Variants in LHFPL6 observed in about 807,000 individuals in gnomAD.
The protein encoded by LHFPL6 is LHFPL tetraspan subfamily member 6.
LHFPL6 carries 9 observed loss-of-function variants against 20.6 expected under a neutral mutation model. That is an observed-to-expected ratio of 0.44 (90% CI 0.26 to 0.76). The LOEUF (loss-of-function observed/expected upper bound fraction) is 0.76, where lower values mean the gene tolerates loss of function less well. Among genes scored for constraint, LHFPL6 ranks in the 30% least tolerant of loss-of-function variants. The pLI, the probability that LHFPL6 is intolerant of heterozygous loss-of-function variation, is 0.20. For missense variants in LHFPL6, 218 were observed against 253.5 expected, an observed-to-expected ratio of 0.86 and a Z score of 0.95; for synonymous variants, 105 against 98.7, an observed-to-expected ratio of 1.06 and a Z score of -0.38.
Position 39,503,325 on chromosome 13 carries a change from C to T in LHFPL6, c.385+97507G>A, listed in dbSNP as rs116914414. On this transcript the variant is annotated intron_variant, in intron 2 of 3. Coordinates refer to ENST00000379589, the MANE Select transcript of LHFPL6 (RefSeq NM_005780.3). ...TCCCTCTGCCTCTAACACGTTTCTT[C>T]CAGATATCCACATGGTCAACTCTCT... Among the ~76,000 whole-genome samples, 4 of 152,300 alleles carry T rather than the reference C, an allele frequency of 2.6e-5. No individual in the cohort carries two copies. The East Asian group carries it at 7.7e-4, about 29-fold the overall frequency.
intron 2 of LHFPL6, among the ~76,000 whole-genome samples, chr13:39,436,973 T>A (rs1871975099): frequency 6.6e-6 from 1 of 152,142 alleles, no homozygotes; most frequent in South Asian, 2.1e-4. Flanking sequence ...CAGCTCTAAA[T>A]CCCCAGATAT....
intron 2 of LHFPL6, among the ~76,000 whole-genome samples, chr13:39,588,128 C>T (rs955964421): frequency 1.3e-5 from 2 of 152,062 alleles, no homozygotes; most frequent in Non-Finnish European, 2.9e-5. Flanking sequence ...GAGCCCCTCA[C>T]GTGGCTGCCG....
chr13:39,575,718 C>T (rs1385908359), intron 2 of LHFPL6, among the ~76,000 whole-genome samples: 1 of 152,166 alleles, frequency 6.6e-6, no homozygotes, highest in Non-Finnish European at 1.5e-5. Flanking sequence ...ATGGGGACAG[C>T]TGTGGAGTGG....
intron 2 of LHFPL6, among the ~76,000 whole-genome samples, chr13:39,538,066 C>T (rs1159139770): frequency 6.6e-6 from 1 of 150,776 alleles, no homozygotes; most frequent in Non-Finnish European, 1.5e-5. Context: ...TCTCAGCTCA[C>T]TGCAACCTCC....
chr13:39,374,522 A>C (rs906056132), intron 3 of LHFPL6, among the ~76,000 whole-genome samples: 1 of 151,562 alleles, frequency 6.6e-6, no homozygotes, highest in African/African-American at 2.4e-5. Context: ...GTACCCACTG[A>C]ATCTAAAATA....
chr13:39,466,648 C>T (rs6563706), intron 2 of LHFPL6, among the ~76,000 whole-genome samples: 83,889 of 151,988 alleles, frequency 0.55, 24,366 homozygotes, highest in East Asian at 0.89. Context: ...ATTTGAAATA[C>T]CTTCTCATTT....
Position 39,502,681 on chromosome 13 carries a change from C to G in LHFPL6, c.385+98151G>C, listed in dbSNP as rs149001909. ...TGAGGGTGAAGCTGGAACACAGGATCTTTAAAAAGCCCCAAGTGATTCTAT... is the reference window on the plus strand; with the variant it reads ...TGAGGGTGAAGCTGGAACACAGGATGTTTAAAAAGCCCCAAGTGATTCTAT... On this transcript the variant is annotated intron_variant, in intron 2 of 3. Coordinates refer to ENST00000379589, the MANE Select transcript of LHFPL6 (RefSeq NM_005780.3). 5.7e-4 allele frequency among the ~76,000 whole-genome samples: 87 copies of G among 152,076 alleles called. No individual in the cohort carries two copies. In the East Asian group the frequency reaches 0.016, roughly 29 times the overall value.
intron 2 of LHFPL6, among the ~76,000 whole-genome samples, chr13:39,420,907 T>G (rs1003866047): frequency 8.5e-5 from 13 of 152,208 alleles, no homozygotes; most frequent in African/African-American, 3.1e-4. Flanking sequence ...TTCCTTCATA[T>G]AGTTCCGTTC....
At chr13:39,463,288 A>G (rs1872728990) in intron 2 of LHFPL6, among the ~76,000 whole-genome samples, 1 of 152,140 alleles carries the variant, frequency 6.6e-6, no homozygotes, top group African/African-American at 2.4e-5. Flanking sequence ...CTTCTCCCCA[A>G]TCATGAAACC....
chr13:39,513,647 T>A (rs1869802073), intron 2 of LHFPL6, among the ~76,000 whole-genome samples: 1 of 152,382 alleles, frequency 6.6e-6, no homozygotes, highest in Middle Eastern at 3.4e-3. Flanking sequence ...GGAGCTTTTA[T>A]ATGTTACCAT....
At position 39,392,352 on chromosome 13, in the gene LHFPL6, T is replaced by G. The variant is rs1011844767; in HGVS notation, c.386-13826A>C. On this transcript the variant is annotated intron_variant, in intron 2 of 3. Coordinates refer to ENST00000379589, the MANE Select transcript of LHFPL6 (RefSeq NM_005780.3). ...GCTCATGCCTGCAATCCCAGCACTT[T>G]GGAAGGCCAAGGCAGGTGGATCACC... Among the ~76,000 whole-genome samples, 18 of 152,316 alleles carry G rather than the reference T, an allele frequency of 1.2e-4. 1 individual carries two copies. The highest frequency in any genetic ancestry group is 4.3e-4 in the African/African-American group (18 of 41,570).
At chr13:39,429,849 T>C (rs1264756422) in intron 2 of LHFPL6, among the ~76,000 whole-genome samples, 1 of 152,208 alleles carries the variant, frequency 6.6e-6, no homozygotes, top group African/African-American at 2.4e-5. Context: ...ATTCTCAATT[T>C]TCATTAAACT....
In LHFPL6 at chr13:39,369,127, A is replaced by T. The variant is rs539097387; in HGVS notation, c.484+9301T>A. Among the ~76,000 whole-genome samples the T allele has an allele frequency of 1.5e-4, 23 of 151,810 alleles. No homozygotes were observed. In the East Asian group the frequency reaches 4.4e-3, roughly 29 times the overall value. ...ACACTGAAAAAAAAAAAAAAAGAAG[A>T]ATCTTTAAAAGAGAGACTAGCATAT... On this transcript the variant is annotated intron_variant, in intron 3 of 3. Transcript: ENST00000379589.
intron 2 of LHFPL6, among the ~76,000 whole-genome samples, chr13:39,474,488 T>G (rs1410959480): frequency 1.3e-5 from 2 of 152,196 alleles, no homozygotes; most frequent in African/African-American, 4.8e-5. Context: ...GATATTGTTT[T>G]CCCCTTCAAC....
chr13:39,357,875 G>A (rs1248028802), intron 3 of LHFPL6, among the ~76,000 whole-genome samples: 1 of 152,106 alleles, frequency 6.6e-6, no homozygotes, highest in Non-Finnish European at 1.5e-5. Flanking sequence ...AACATTCCAT[G>A]CTCATAAATT....
At position 39,592,298 on chromosome 13, in the gene LHFPL6, C is replaced by T. The variant is rs1419839075; in HGVS notation, c.385+8534G>A. ...TAAAAACATTATTAGATATCACCAC[C>T]GATCCCACAGAAATACAAACTACCA... On this transcript the variant is annotated intron_variant, in intron 2 of 3. Coordinates refer to ENST00000379589, the MANE Select transcript of LHFPL6 (RefSeq NM_005780.3). 3.9e-5 allele frequency among the ~76,000 whole-genome samples: 6 copies of T among 152,116 alleles called. No individual in the cohort carries two copies. The East Asian group carries it at 1.2e-3, about 29-fold the overall frequency.
chr13:39,415,277 C>T (rs1246823492), intron 2 of LHFPL6, among the ~76,000 whole-genome samples: 1 of 152,142 alleles, frequency 6.6e-6, no homozygotes, highest in African/African-American at 2.4e-5. Flanking sequence ...CTCAGCTGGG[C>T]ATGAATCCCG....
intron 2 of LHFPL6, among the ~76,000 whole-genome samples, chr13:39,537,402 G>A (rs76678741): frequency 1.3e-5 from 2 of 152,268 alleles, no homozygotes; most frequent in East Asian, 1.9e-4. Context: ...AAGGTCACAG[G>A]TCCCAGCATG....
chr13:39,576,076 G>A (rs1252108581), intron 2 of LHFPL6, among the ~76,000 whole-genome samples: 1 of 152,150 alleles, frequency 6.6e-6, no homozygotes, highest in Non-Finnish European at 1.5e-5. Flanking sequence ...AAATGTGAAG[G>A]TTTCGCTTAC....
Sources: gnomAD v4.1 joint callset for allele counts (sites outside exome capture counted in the v4.1 genomes callset) on GRCh38, gnomAD v4.1.1 for gene constraint, MANE v1.5 for transcripts, NCBI Gene and HGNC (gene_info 2026-07-23, HGNC 2026-07-21) for gene names.